The following FHL5 variants were observed in gnomAD, a reference collection of about 807,000 sequenced individuals.
FHL5 encodes four and a half LIM domains 5, also known as four and a half LIM domains protein 5.
A neutral mutation model predicts 32.0 loss-of-function variants in FHL5; 33 were observed. That is an observed-to-expected ratio of 1.03 (90% CI 0.78 to 1.38). The LOEUF (loss-of-function observed/expected upper bound fraction) is 1.38, where lower values mean the gene tolerates loss of function less well. FHL5 is among the 40% of genes most tolerant of loss of function. The pLI, the probability that FHL5 is intolerant of heterozygous loss-of-function variation, is 0.00. For synonymous variants in FHL5, 114 were observed against 113.6 expected (o/e 1.00, Z -0.02); for missense variants, 336 against 343.9 (o/e 0.98, Z 0.18).
intron 3 of FHL5, 149 bp from the exon 4 acceptor site, chr6:96,605,753 T>C (rs1771262307): frequency 1.4e-6 from 1 of 698,336 alleles, no homozygotes; most frequent in African/African-American, 1.8e-5. Context: ...GAATGGGTTT[T>C]TTTGAACCTG....
At chr6:96,576,786 G>A (rs1388271962) in intron 1 of FHL5, among the ~76,000 whole-genome samples, 1 of 152,220 alleles carries the variant, frequency 6.6e-6, no homozygotes, top group African/African-American at 2.4e-5. Context: ...GACAAGAAAG[G>A]TCTCTGCTCT....
intron 5 of FHL5, among the ~76,000 whole-genome samples, chr6:96,613,145 T>C (rs981160335): frequency 6.6e-6 from 1 of 152,230 alleles, no homozygotes; most frequent in Non-Finnish European, 1.5e-5. Context: ...GATAAGGTAA[T>C]AGATATGTTA....
intron 1 of FHL5, among the ~76,000 whole-genome samples, chr6:96,602,081 T>C (rs1358571353): frequency 6.6e-6 from 1 of 152,226 alleles, no homozygotes; most frequent in Admixed American, 6.5e-5. Context: ...AACTGCTATG[T>C]ACAGAATTAA....
chr6:96,566,993 A>C (rs1216091641), intron 1 of FHL5, among the ~76,000 whole-genome samples: 1 of 151,812 alleles, frequency 6.6e-6, no homozygotes, highest in East Asian at 1.9e-4. Context: ...TTAGTTTGAC[A>C]TAATTTCATT....
At chr6:96,589,446 G>C (rs1473815994) in intron 1 of FHL5, among the ~76,000 whole-genome samples, 2 of 152,048 alleles carry the variant, frequency 1.3e-5, no homozygotes, top group Non-Finnish European at 2.9e-5. Context: ...GGTTGTTAAT[G>C]AAGTTGAGAA....
At chr6:96,570,577 T>A (rs1175715663) in intron 1 of FHL5, among the ~76,000 whole-genome samples, 2 of 152,198 alleles carry the variant, frequency 1.3e-5, no homozygotes, top group East Asian at 3.8e-4. Context: ...TTAAACAGGC[T>A]TTCTATACTT....
intron 1 of FHL5, among the ~76,000 whole-genome samples, chr6:96,573,689 CT>C (rs1770529325): frequency 6.6e-6 from 1 of 151,376 alleles, no homozygotes; most frequent in Non-Finnish European, 1.5e-5. Flanking sequence ...GCCCAGCTAA[CT>C]TTTTGTATTT....
intron 3 of FHL5, 138 bp downstream of exon 3, chr6:96,605,062 G>A (rs544474713): frequency 4.8e-5 from 25 of 516,514 alleles, no homozygotes; most frequent in South Asian, 1.2e-4. Flanking sequence ...ATCTTCTTCC[G>A]TGTACTTTAG....
intron 1 of FHL5, among the ~76,000 whole-genome samples, chr6:96,596,629 T>C (rs969564675): frequency 1.4e-4 from 21 of 152,108 alleles, no homozygotes; most frequent in African/African-American, 4.8e-4. Context: ...TTTTCACTTT[T>C]CTACACTAGG....
chr6:96,596,041 TG>T (rs1427063084), intron 1 of FHL5, among the ~76,000 whole-genome samples: 2 of 152,026 alleles, frequency 1.3e-5, no homozygotes, highest in Non-Finnish European at 2.9e-5. Flanking sequence ...CCTAGGATGA[TG>T]GGACATTCTT....
chr6:96,614,325 A>G (rs960215879), intron 5 of FHL5, among the ~76,000 whole-genome samples: 2 of 152,218 alleles, frequency 1.3e-5, no homozygotes, highest in Non-Finnish European at 2.9e-5. Context: ...GAATAACATT[A>G]AGGGAATTAA....
intron 1 of FHL5, among the ~76,000 whole-genome samples, chr6:96,570,834 T>C (rs1770460155): frequency 1.3e-5 from 2 of 152,046 alleles, no homozygotes; most frequent in Non-Finnish European, 2.9e-5. Context: ...ACTGCAGGAT[T>C]CTTGTTTTGT....
intron 1 of FHL5, among the ~76,000 whole-genome samples, chr6:96,574,344 G>A (rs534892500): frequency 6.6e-6 from 1 of 152,268 alleles, no homozygotes; most frequent in Admixed American, 6.5e-5. Context: ...TCTACAAAGA[G>A]CCAGATAATA....
chr6:96,597,437 C>T (rs954784705), intron 1 of FHL5, among the ~76,000 whole-genome samples: 6 of 152,042 alleles, frequency 3.9e-5, no homozygotes, highest in African/African-American at 9.7e-5. Flanking sequence ...AAATGAGTTT[C>T]GAATTGATTT....
At chr6:96,603,898 A>T in intron 2 of FHL5, 126 bp downstream of exon 2, 1 of 714,094 alleles carries the variant, frequency 1.4e-6, no homozygotes, top group South Asian at 1.9e-5. Flanking sequence ...TAAGGATCTT[A>T]AAAGTTACCA....
chr6:96,591,000 GT>G (rs1390764371), intron 1 of FHL5, among the ~76,000 whole-genome samples: 4 of 152,024 alleles, frequency 2.6e-5, no homozygotes, highest in Non-Finnish European at 4.4e-5. Flanking sequence ...TTGGGTTTGG[GT>G]TTTGTATTTA....
chr6:96,578,773 C>T (rs562869043), intron 1 of FHL5, among the ~76,000 whole-genome samples: 4 of 152,070 alleles, frequency 2.6e-5, no homozygotes, highest in African/African-American at 9.6e-5. Context: ...ACCTGGGAGG[C>T]GGAAGCTGCA....
intron 2 of FHL5, 61 bp from the exon 3 acceptor site, chr6:96,604,689 T>C (rs1771231556): frequency 7.2e-7 from 1 of 1,392,538 alleles, no homozygotes; most frequent in Admixed American, 2.0e-5. Flanking sequence ...CAGTTTTGTT[T>C]CATAAAATGG....
intron 1 of FHL5, among the ~76,000 whole-genome samples, chr6:96,599,528 A>G (rs1771107443): frequency 6.6e-6 from 1 of 152,152 alleles, no homozygotes; most frequent in African/African-American, 2.4e-5. Flanking sequence ...TCTAAAATTT[A>G]AAGGAGCAAA....
Sources: allele counts gnomAD v4.1 joint callset (sites outside exome capture counted in the v4.1 genomes callset), GRCh38; gene constraint gnomAD v4.1.1; transcripts MANE v1.5; gene names NCBI Gene and HGNC (gene_info 2026-07-23, HGNC 2026-07-21).